The following HAUS4 variants were observed in gnomAD, a reference collection of about 807,000 sequenced individuals.
HAUS4 encodes HAUS augmin like complex subunit 4, also known as HAUS augmin-like complex subunit 4.
In HAUS4, 34 loss-of-function variants were observed where a neutral mutation model predicts 50.6. The ratio of observed to expected loss-of-function variants is 0.67; its 90% CI spans 0.51 to 0.90. The LOEUF is 0.90. HAUS4 is among the 40% of genes least tolerant of loss of function. HAUS4 has a pLI of 0.00. For synonymous variants in HAUS4, 149 were observed against 161.4 expected (o/e 0.92, Z 0.58); for missense variants, 370 against 428.7 (o/e 0.86, Z 1.21).
At chr14:22,950,142 A>C (rs2044726240) in intron 6 of HAUS4, among the ~76,000 whole-genome samples, 172 bp downstream of exon 6, 1 of 151,568 alleles carries the variant, frequency 6.6e-6, no homozygotes. Context: ...AAAAAAAAAA[A>C]ACAAAAAAAC....
intron 1 of HAUS4, among the ~76,000 whole-genome samples, chr14:22,956,417 T>C (rs151224637): frequency 9.9e-5 from 15 of 152,280 alleles, no homozygotes; most frequent in African/African-American, 3.1e-4. Flanking sequence ...TGACTGCAAA[T>C]AAAAAGTTTT....
chr14:22,954,964 A>T, intron 2 of HAUS4, 136 bp downstream of exon 2: 1 of 713,720 alleles, frequency 1.4e-6, no homozygotes, highest in Non-Finnish European at 2.6e-6. Flanking sequence ...TGACCTCGTG[A>T]TCCACCCACC....
At chr14:22,950,537 C>T (rs2044734219) in intron 5 of HAUS4, 127 bp from the exon 6 acceptor site, 14 of 593,982 alleles carry the variant, frequency 2.4e-5, no homozygotes, top group South Asian at 2.2e-4. Flanking sequence ...ATCAGAGAGA[C>T]TCATTTTTCA....
intron 6 of HAUS4, among the ~76,000 whole-genome samples, chr14:22,948,461 G>GC (rs2044686652): frequency 3.2e-5 from 4 of 125,372 alleles, no homozygotes; most frequent in Non-Finnish European, 7.3e-5. Flanking sequence ...AAGCGGGGGG[G>GC]GGGAGGGCAT....
chr14:22,948,454 C>CT (rs2044685080), intron 6 of HAUS4, among the ~76,000 whole-genome samples: 1 of 58,964 alleles, frequency 1.7e-5, no homozygotes, highest in Non-Finnish European at 3.0e-5. Flanking sequence ...AAAAAAAAAG[C>CT]GGGGGGGGGG....
intron 1 of HAUS4, among the ~76,000 whole-genome samples, chr14:22,956,501 G>T (rs557844301): frequency 1.3e-5 from 2 of 152,246 alleles, no homozygotes; most frequent in South Asian, 2.1e-4. Flanking sequence ...CCCCCCTAGG[G>T]TAAGTGTCCC....
chr14:22,947,216 G>C lies in HAUS4; in HGVS notation c.863C>G (p.Ser288Cys). Residue 288 changes from serine (S) to cysteine (C), a missense_variant, in exon 9 of 10, where the codon TCC (serine) becomes TGC (cysteine). Ser to Cys is a moderately radical substitution (Grantham distance 112). Transcript: ENST00000541587. ...CACTTTCTCAACAGTGTAAGTGTCG[G>C]ACAAAATCTTTAGCTCCTCCATCCT... ...KLRMEELKIL[S>C]DTYTVEKVEV... 6.2e-7 allele frequency: 1 copy of C among 1,609,206 alleles called. No homozygotes were observed. The highest frequency in any genetic ancestry group is 8.5e-7 in the Non-Finnish European group (1 of 1,175,518).
At chr14:22,955,232 C>T (rs1195408099) in intron 1 of HAUS4, 56 bp from the exon 2 acceptor site, 3 of 1,019,706 alleles carry the variant, frequency 2.9e-6, no homozygotes, top group Non-Finnish European at 4.7e-6. Flanking sequence ...CTGGCTGCTC[C>T]AAGGACACTA....
chr14:22,947,523 G>T, intron 8 of HAUS4, 78 bp downstream of exon 8: 2 of 1,496,814 alleles, frequency 1.3e-6, no homozygotes, highest in South Asian at 1.2e-5. Flanking sequence ...TAAGGGAGAG[G>T]AAAGAGATTA....
At chr14:22,952,716 CA>C (rs777130704) in intron 2 of HAUS4, 33 bp from the exon 3 acceptor site, 2 of 1,537,780 alleles carry the variant, frequency 1.3e-6, no homozygotes, top group African/African-American at 1.4e-5. Flanking sequence ...TACAAAAAAA[CA>C]AAAAAGGTGT....
intron 1 of HAUS4, among the ~76,000 whole-genome samples, chr14:22,956,163 C>T (rs2044859819): frequency 6.6e-6 from 1 of 152,102 alleles, no homozygotes; most frequent in East Asian, 1.9e-4. Flanking sequence ...CTAACATGGT[C>T]TAGAGGGGGA....
In HAUS4 at chr14:22,947,212, G is replaced by A; in HGVS notation, c.867C>T (p.Asp289=). 1 of 1,608,724 alleles carries A rather than the reference G, an allele frequency of 6.2e-7. No homozygotes were observed. The highest frequency in any genetic ancestry group is 8.5e-7 in the Non-Finnish European group (1 of 1,175,508). ...CTTCCACTTTCTCAACAGTGTAAGT[G>A]TCGGACAAAATCTTTAGCTCCTCCA... ...LRMEELKILS[D]TYTVEKVEVH... is the part of the protein sequence containing the mutation. Residue 289 remains aspartate (D), a synonymous_variant, in exon 9 of 10, where the codon GAC becomes GAT. Coordinates refer to ENST00000541587, the MANE Select transcript of HAUS4 (RefSeq NM_001166269.2).
At chr14:22,955,212 G>T in intron 1 of HAUS4, 36 bp from the exon 2 acceptor site, 1 of 1,245,774 alleles carries the variant, frequency 8.0e-7, no homozygotes, top group Non-Finnish European at 1.2e-6. Context: ...ACAAAAAGAT[G>T]AATAAACAGC....
intron 6 of HAUS4, among the ~76,000 whole-genome samples, chr14:22,949,084 G>T (rs1360711510): frequency 6.6e-6 from 1 of 151,434 alleles, no homozygotes; most frequent in East Asian, 2.0e-4. Context: ...TTGAACCTCG[G>T]AGGCGAAGGT....
rs768049828 is a variant in HAUS4, at chr14:22,946,495, A to G, written c.*30T>C. 1.9e-6 allele frequency: 3 copies of G among 1,575,234 alleles called. No homozygotes were observed. The highest frequency in any genetic ancestry group is 1.7e-5 in the Admixed American group (1 of 57,332). ...GAAGATTAGGAGGCAGCAGCTATGCAGAAGCCATGTCTCCTGGCCCTGCCA... is the reference window on the plus strand; with the variant it reads ...GAAGATTAGGAGGCAGCAGCTATGCGGAAGCCATGTCTCCTGGCCCTGCCA... On this transcript the variant is annotated 3_prime_UTR_variant, in exon 10 of 10. Transcript: ENST00000541587.
chr14:22,950,586 C>T (rs2044735316), intron 5 of HAUS4, among the ~76,000 whole-genome samples, 176 bp from the exon 6 acceptor site: 1 of 152,074 alleles, frequency 6.6e-6, no homozygotes, highest in Non-Finnish European at 1.5e-5. Context: ...CTGTCAAGAC[C>T]CCATGTTGGT....
chr14:22,953,684 G>A lies in HAUS4; in HGVS notation c.56-1001C>T, dbSNP rs546494183. Among the ~76,000 whole-genome samples, 25 of 151,404 alleles carry A rather than the reference G, an allele frequency of 1.7e-4. No homozygotes were observed. In the East Asian group the frequency reaches 4.3e-3, roughly 26 times the overall value. On this transcript the variant is annotated intron_variant, in intron 2 of 9. Transcript: ENST00000541587. Reference sequence around the variant, plus strand: ...CACCCAGGCTGGAGTGCAATGGCACGATCTCGGCTCACTGCAAGCTCCACC... The same window carrying A: ...CACCCAGGCTGGAGTGCAATGGCACAATCTCGGCTCACTGCAAGCTCCACC...
intron 6 of HAUS4, among the ~76,000 whole-genome samples, chr14:22,948,756 C>T (rs1029757097): frequency 1.3e-5 from 2 of 151,856 alleles, no homozygotes; most frequent in Admixed American, 1.3e-4. Flanking sequence ...AGGTTGGTCT[C>T]GAACGCCTGA....
intron 4 of HAUS4, 25 bp downstream of exon 4, chr14:22,952,303 C>A: frequency 6.2e-7 from 1 of 1,604,730 alleles, no homozygotes. Context: ...CAGGTGTTAG[C>A]CACCACGCCC....
Sources: allele counts gnomAD v4.1 joint callset (sites outside exome capture counted in the v4.1 genomes callset), GRCh38; gene constraint gnomAD v4.1.1; transcripts MANE v1.5; gene names NCBI Gene and HGNC (gene_info 2026-07-23, HGNC 2026-07-21).